PUS7: variants seen among roughly 807,000 people sequenced by gnomAD.
The protein encoded by PUS7 is pseudouridylate synthase 7 homolog.
In PUS7, 48 loss-of-function variants were observed where a neutral mutation model predicts 79.8. The ratio of observed to expected loss-of-function variants is 0.60; its 90% CI spans 0.48 to 0.76. PUS7 has a LOEUF of 0.76. Ranked by LOEUF, PUS7 falls within the 30% of genes least tolerant of loss-of-function variation. The pLI, the probability that PUS7 is intolerant of heterozygous loss-of-function variation, is 0.00. For missense variants in PUS7, 729 were observed against 797.6 expected, an observed-to-expected ratio of 0.91 and a Z score of 1.04; for synonymous variants, 286 against 272.2, an observed-to-expected ratio of 1.05 and a Z score of -0.50.
chr7:105,480,363 T>TACTTGGGATGCCGAG (rs1824271283), intron 9 of PUS7, among the ~76,000 whole-genome samples: 1 of 151,984 alleles, frequency 6.6e-6, no homozygotes, highest in Non-Finnish European at 1.5e-5. Context: ...CAATCTCAGC[T>TACTTGGGATGCCGAG]ACTTGGGATG....
At chr7:105,464,286 A>G (rs1823550815) in intron 13 of PUS7, among the ~76,000 whole-genome samples, 1 of 152,170 alleles carries the variant, frequency 6.6e-6, no homozygotes, top group Non-Finnish European at 1.5e-5. Context: ...AACATGATTT[A>G]TTTTCACTGC....
rs112572573 is a variant in PUS7 at position 105,492,112 on chromosome 7, T to A, written c.843-495A>T. On this transcript the variant is annotated intron_variant, in intron 6 of 15. Coordinates refer to ENST00000469408, the MANE Select transcript of PUS7 (RefSeq NM_019042.5). ...TAAATTCATATGCAAGCTAGAAAAG[T>A]AAATGATAGCCAGGTGTGGTGGCAT... Among the ~76,000 whole-genome samples the A allele has an allele frequency of 5.2e-3, 776 of 149,414 alleles. 12 individuals are homozygous for A. The highest frequency in any genetic ancestry group is 0.018 in the African/African-American group (728 of 40,534).
intron 12 of PUS7, among the ~76,000 whole-genome samples, chr7:105,467,995 C>T (rs1453399809): frequency 6.6e-6 from 1 of 151,678 alleles, no homozygotes; most frequent in Non-Finnish European, 1.5e-5. Context: ...TGCAGTGGCA[C>T]CATCTTGGCT....
At chr7:105,473,252 A>T (rs933750074) in intron 9 of PUS7, among the ~76,000 whole-genome samples, 9 of 152,102 alleles carry the variant, frequency 5.9e-5, no homozygotes, top group African/African-American at 1.7e-4. Flanking sequence ...TATGCTTTTT[A>T]AAAAAATTTT....
chr7:105,499,867 C>T (rs750597125), intron 5 of PUS7, among the ~76,000 whole-genome samples: 1 of 152,198 alleles, frequency 6.6e-6, no homozygotes, highest in Non-Finnish European at 1.5e-5. Context: ...CATTCAAATG[C>T]TAGGCAAGAT....
chr7:105,462,523 G>A, intron 14 of PUS7, 98 bp downstream of exon 14: 1 of 1,298,572 alleles, frequency 7.7e-7, no homozygotes, highest in Non-Finnish European at 1.1e-6. Flanking sequence ...GTCACTGACT[G>A]AAAATTCTTG....
chr7:105,508,730 G>C (rs1213811359), intron 1 of PUS7, among the ~76,000 whole-genome samples, 186 bp from the exon 2 acceptor site: 1 of 150,396 alleles, frequency 6.6e-6, no homozygotes, highest in Non-Finnish European at 1.5e-5. Flanking sequence ...ATATTAGTTA[G>C]GCGTGGGTGG....
At position 105,491,520 on chromosome 7, in the gene PUS7, G is replaced by A. The variant is rs766292804; in HGVS notation, c.920+20C>T. 1 of 1,500,990 alleles carries A rather than the reference G, an allele frequency of 6.7e-7. No individual in the cohort carries two copies. The highest frequency in any genetic ancestry group is 1.2e-5 in the South Asian group (1 of 85,064). The allele number at this position is 1,500,990 out of a possible 1,614,324, so 93.0% of individuals were successfully genotyped here. A position where few individuals can be genotyped will look rare whatever the true frequency, so the allele number is the denominator to read the frequency against. ...CCAGGATATTTACAGTATAAATCCT[G>A]TTACGTGCTCTCTACTTACTTGAGA... On this transcript the variant is annotated intron_variant, in intron 7 of 15. Transcript: ENST00000469408.
At chr7:105,501,969 A>ATAT (rs1486989907) in intron 5 of PUS7, among the ~76,000 whole-genome samples, 10 of 73,716 alleles carry the variant, frequency 1.4e-4, no homozygotes, top group South Asian at 9.9e-4. Context: ...AAAAAAAAAA[A>ATAT]ATATATATAT....
intron 1 of PUS7, among the ~76,000 whole-genome samples, chr7:105,518,331 T>C (rs890443730): frequency 6.6e-6 from 1 of 151,958 alleles, no homozygotes; most frequent in African/African-American, 2.4e-5. Context: ...TAAAATCCTT[T>C]ACACCTATAA....
intron 1 of PUS7, among the ~76,000 whole-genome samples, chr7:105,516,266 T>C (rs1057077523): frequency 1.1e-4 from 17 of 152,124 alleles, no homozygotes; most frequent in African/African-American, 3.9e-4. Context: ...TTAAAGTATA[T>C]ATAGTACCAA....
chr7:105,521,522 C>G (rs537380098), intron 1 of PUS7, among the ~76,000 whole-genome samples: 32 of 152,336 alleles, frequency 2.1e-4, no homozygotes, highest in Admixed American at 2.6e-4. Context: ...ACAAAGCAAG[C>G]AGTCCCCAGA....
intron 12 of PUS7, among the ~76,000 whole-genome samples, chr7:105,467,356 C>A (rs1040607959): frequency 2.0e-5 from 3 of 148,382 alleles, no homozygotes; most frequent in African/African-American, 7.5e-5. Flanking sequence ...GTGGTGTGAT[C>A]TCGGCTCACT....
chr7:105,459,376 G>T, intron 14 of PUS7, 117 bp from the exon 15 acceptor site: 1 of 541,984 alleles, frequency 1.8e-6, no homozygotes. Context: ...AATAATTATA[G>T]TTAGGAATCT....
chr7:105,514,487 C>G (rs1223077139), intron 1 of PUS7, among the ~76,000 whole-genome samples: 1 of 150,680 alleles, frequency 6.6e-6, no homozygotes, highest in African/African-American at 2.4e-5. Context: ...GCCTGTAGTC[C>G]CAGCTACTCA....
At chr7:105,489,147 C>CAAAAAAAAAAAAA (rs762504334) in intron 7 of PUS7, among the ~76,000 whole-genome samples, 16 of 33,406 alleles carry the variant, frequency 4.8e-4, no homozygotes, top group East Asian at 8.6e-4. Flanking sequence ...AACTCCATCT[C>CAAAAAAAAAAAAA]AAAAAAAAAA....
At chr7:105,458,581 T>C (rs559897945) in intron 15 of PUS7, among the ~76,000 whole-genome samples, 2 of 150,132 alleles carry the variant, frequency 1.3e-5, no homozygotes, top group African/African-American at 4.9e-5. Context: ...ATTTTTTTTT[T>C]TTTTTTTTTG....
intron 5 of PUS7, among the ~76,000 whole-genome samples, chr7:105,497,236 C>A (rs369772390): frequency 6.6e-6 from 1 of 152,142 alleles, no homozygotes; most frequent in Non-Finnish European, 1.5e-5. Context: ...TGTTAGTTCA[C>A]GCTCAAAGCT....
At chr7:105,490,367 C>T (rs1824733706) in intron 7 of PUS7, among the ~76,000 whole-genome samples, 1 of 152,120 alleles carries the variant, frequency 6.6e-6, no homozygotes, top group Admixed American at 6.5e-5. Flanking sequence ...TGGAGGTATA[C>T]TAATAAGACA....
Sources: gnomAD v4.1 joint callset for allele counts (sites outside exome capture counted in the v4.1 genomes callset) on GRCh38, gnomAD v4.1.1 for gene constraint, MANE v1.5 for transcripts, NCBI Gene and HGNC (gene_info 2026-07-23, HGNC 2026-07-21) for gene names.